The following DYNAP variants were observed in gnomAD, a reference collection of about 807,000 sequenced individuals.
DYNAP encodes the protein dynactin associated protein, also known as dynactin-associated protein.
A neutral mutation model predicts 8.5 loss-of-function variants in DYNAP; 7 were observed. The ratio of observed to expected loss-of-function variants is 0.82; its 90% CI spans 0.47 to 1.54. DYNAP has a LOEUF of 1.54. Ranked by LOEUF, DYNAP falls within the 40% of genes most tolerant of loss-of-function variation. DYNAP has a pLI of 0.01. For synonymous variants in DYNAP, 77 were observed against 77.9 expected (o/e 0.99, Z 0.06); for missense variants, 256 against 224.3 (o/e 1.14, Z -0.90).
chr18:54,586,294 C>A (rs1180508854), upstream of DYNAP, among the ~76,000 whole-genome samples: 4 of 152,236 alleles, frequency 2.6e-5, no homozygotes, highest in East Asian at 1.9e-4. Flanking sequence ...ATAAGGCCCA[C>A]ACAGCTGATT....
chr18:54,589,665 CTT>C (rs1910996470), upstream of DYNAP, among the ~76,000 whole-genome samples: 1 of 152,116 alleles, frequency 6.6e-6, no homozygotes, highest in African/African-American at 2.4e-5. Flanking sequence ...ATCTTCCACT[CTT>C]TATGCCATTG....
chr18:54,583,358 C>T (rs1459969427), upstream of DYNAP, among the ~76,000 whole-genome samples: 1 of 152,146 alleles, frequency 6.6e-6, no homozygotes, highest in Non-Finnish European at 1.5e-5. Context: ...TCAGGAGCCC[C>T]CACTGCTGGG....
chr18:54,582,234 G>A, the DYNAP span, among the ~76,000 whole-genome samples: 3 of 152,068 alleles, frequency 2.0e-5, no homozygotes, highest in Admixed American at 6.5e-5. Context: ...TGTAGTGAGC[G>A]GAGATCGCAT....
the DYNAP span, among the ~76,000 whole-genome samples, chr18:54,575,923 C>G: frequency 6.6e-6 from 1 of 152,168 alleles, no homozygotes. Flanking sequence ...TCTCCCAGCC[C>G]ACTCTGAAAT....
In DYNAP at chr18:54,597,906, A is replaced by G. The variant is rs773450887; in HGVS notation, c.316A>G (p.Ile106Val). The G allele has an allele frequency of 6.2e-7, 1 of 1,613,650 alleles. No individual in the cohort carries two copies. Among genetic ancestry groups the G allele is most frequent in the Non-Finnish European group, 8.5e-7 (1 of 1,179,756 alleles). The change falls in exon 3 of 3, where the codon ATA becomes GTA. Residue 106 changes from isoleucine to valine, a missense_variant. Ile to Val is a conservative substitution (Grantham distance 29). Coordinates refer to ENST00000648945, the MANE Select transcript of DYNAP (RefSeq NM_173629.3). The part of the protein sequence containing the change: ...CVIMTAIGVL[I>V]ICLVNNKGSA... ...GATAATGACAGCAATTGGAGTACTT[A>G]TAATATGCTTGGTGAATAACAAAGG... is the stretch of plus-strand genomic sequence containing the variant.
At chr18:54,584,995 A>C (rs1242074442), upstream of DYNAP, among the ~76,000 whole-genome samples, 1 of 152,122 alleles carries the variant, frequency 6.6e-6, no homozygotes, top group African/African-American at 2.4e-5. Flanking sequence ...TTTGAGCAGG[A>C]TGGTGATATA....
the DYNAP span, among the ~76,000 whole-genome samples, chr18:54,581,088 A>G: frequency 6.6e-6 from 1 of 152,188 alleles, no homozygotes; most frequent in Non-Finnish European, 1.5e-5. Flanking sequence ...TTCATTTAGT[A>G]TGACAATTCT....
chr18:54,582,696 T>C, the DYNAP span, among the ~76,000 whole-genome samples: 1 of 152,248 alleles, frequency 6.6e-6, no homozygotes, highest in Non-Finnish European at 1.5e-5. Flanking sequence ...CTTCCTCTCT[T>C]AGAATTCCAT....
chr18:54,589,784 T>A (rs1429397064), upstream of DYNAP, among the ~76,000 whole-genome samples: 1 of 152,100 alleles, frequency 6.6e-6, no homozygotes, highest in Non-Finnish European at 1.5e-5. Flanking sequence ...TGTAGTAATA[T>A]TTTAAAAATA....
At chr18:54,590,624 A>G (rs912283410), upstream of DYNAP, among the ~76,000 whole-genome samples, 1 of 152,212 alleles carries the variant, frequency 6.6e-6, no homozygotes, top group East Asian at 1.9e-4. Context: ...TGAATAAACC[A>G]ATACAAGAAT....
the DYNAP span, among the ~76,000 whole-genome samples, chr18:54,581,604 C>A: frequency 2.6e-5 from 4 of 152,162 alleles, no homozygotes; most frequent in South Asian, 2.1e-4. Flanking sequence ...GAAGTTGATA[C>A]AAACTATACA....
chr18:54,587,047 A>T (rs1202645364), upstream of DYNAP, among the ~76,000 whole-genome samples: 1 of 152,136 alleles, frequency 6.6e-6, no homozygotes, highest in African/African-American at 2.4e-5. Context: ...ATATGTTTTG[A>T]TGGTCCCTGC....
chr18:54,587,415 A>G (rs986306207), upstream of DYNAP, among the ~76,000 whole-genome samples: 1 of 152,166 alleles, frequency 6.6e-6, no homozygotes, highest in Non-Finnish European at 1.5e-5. Context: ...CTACAAACCC[A>G]TCATACCTCA....
the DYNAP span, among the ~76,000 whole-genome samples, chr18:54,578,628 A>G: frequency 6.6e-6 from 1 of 152,188 alleles, no homozygotes; most frequent in African/African-American, 2.4e-5. Context: ...CCCATGGGTA[A>G]CTGTTGTTCC....
chr18:54,588,835 T>C (rs998051124), upstream of DYNAP, among the ~76,000 whole-genome samples: 1 of 152,226 alleles, frequency 6.6e-6, no homozygotes, highest in Non-Finnish European at 1.5e-5. Flanking sequence ...TTACTTTTAA[T>C]GATTGGTTCA....
the DYNAP span, among the ~76,000 whole-genome samples, chr18:54,577,182 G>A: frequency 6.6e-6 from 1 of 152,104 alleles, no homozygotes; most frequent in East Asian, 1.9e-4. Flanking sequence ...CTTTTAAGTT[G>A]CCAAAAGTGC....
At chr18:54,578,128 G>T in the DYNAP span, among the ~76,000 whole-genome samples, 1 of 152,136 alleles carries the variant, frequency 6.6e-6, no homozygotes, top group Non-Finnish European at 1.5e-5. Context: ...GAGGGAGAAT[G>T]GTCATCCTAG....
chr18:54,597,934 C>A lies in DYNAP; in HGVS notation c.344C>A (p.Ser115Ter), dbSNP rs760155446. 1 of 1,613,502 alleles carries A rather than the reference C, an allele frequency of 6.2e-7. No homozygotes were observed. Among genetic ancestry groups the A allele is most frequent in the Admixed American group, 1.7e-5 (1 of 59,894 alleles). Residue 115 changes from serine (S) to a stop codon, truncating the protein, a stop_gained, in exon 3 of 3, where the codon TCG (serine) becomes TAG (stop). Coordinates refer to ENST00000648945, the MANE Select transcript of DYNAP (RefSeq NM_173629.3). LOFTEE classifies it low-confidence loss of function (END_TRUNC). Reference protein sequence around the residue: ...LIICLVNNKGSANSSIVIQLS... With the variant: ...LIICLVNNKG The stretch of plus-strand genomic sequence containing the variant: ...ATATGCTTGGTGAATAACAAAGGAT[C>A]GGCCAATTCCTCCATTGTTATCCAG...
chr18:54,580,171 A>G, the DYNAP span, among the ~76,000 whole-genome samples: 1 of 152,212 alleles, frequency 6.6e-6, no homozygotes, highest in Admixed American at 6.5e-5. Context: ...CTCTCTACCT[A>G]TTCAAATTTT....
Sources: gnomAD v4.1 joint callset for allele counts (sites outside exome capture counted in the v4.1 genomes callset) on GRCh38, gnomAD v4.1.1 for gene constraint, MANE v1.5 for transcripts, NCBI Gene and HGNC (gene_info 2026-07-23, HGNC 2026-07-21) for gene names.